The following ATPAF1 variants were observed in gnomAD, a reference collection of about 807,000 sequenced individuals.
The protein encoded by ATPAF1 is homolog of yeast ATP11.
ATPAF1 carries 26 observed loss-of-function variants against 43.9 expected under a neutral mutation model. The ratio of observed to expected loss-of-function variants is 0.59; its 90% CI spans 0.43 to 0.82. The LOEUF (loss-of-function observed/expected upper bound fraction) is 0.82, where lower values mean the gene tolerates loss of function less well. Among genes scored for constraint, ATPAF1 ranks in the 40% least tolerant of loss-of-function variants. The pLI, the probability that ATPAF1 is intolerant of heterozygous loss-of-function variation, is 0.00. For synonymous variants in ATPAF1, 157 were observed against 168.0 expected, an observed-to-expected ratio of 0.93 and a Z score of 0.50; for missense variants, 366 against 435.0, an observed-to-expected ratio of 0.84 and a Z score of 1.41.
chr1:46,668,190 G>A lies in ATPAF1; in HGVS notation c.133C>T (p.Arg45Cys), dbSNP rs1370561040. 1.6e-5 allele frequency: 22 copies of A among 1,394,892 alleles called. No individual in the cohort carries two copies. The highest frequency in any genetic ancestry group is 1.5e-5 in the Non-Finnish European group (16 of 1,074,966). The allele number at this position is 1,394,892 out of a possible 1,614,324, so 86.4% of individuals were successfully genotyped here. A position where few individuals can be genotyped will look rare whatever the true frequency, so the allele number is the denominator to read the frequency against. Residue 45 changes from arginine to cysteine, a missense_variant, in exon 1 of 9, where the codon CGC (arginine) becomes TGC (cysteine). Arg to Cys is a radical substitution (Grantham distance 180). Coordinates refer to ENST00000574428, the Ensembl canonical transcript of ATPAF1. This position sits in a 1 kb window ranked among gnomAD's most constrained non-coding sequence, Gnocchi z 4.4. Reference sequence around the variant, plus strand: ...GAGCCGGGGCGCACTGGGAAGACGCGCAGCTGCGCGGGTGACACGAGCCCC... The same window carrying A: ...GAGCCGGGGCGCACTGGGAAGACGCACAGCTGCGCGGGTGACACGAGCCCC...
In ATPAF1 at chr1:46,653,760, G is replaced by A; in HGVS notation, c.540+57C>T. 1 of 1,547,626 alleles carries A rather than the reference G, an allele frequency of 6.5e-7. No homozygotes were observed. The highest frequency in any genetic ancestry group is 2.3e-5 in the East Asian group (1 of 43,894). Reference sequence around the variant, plus strand: ...AAAGTAAAGGCAACTGCCTGCTAAGGTTAGAGAACTGACTTTCATGTTGTA... The same window carrying A: ...AAAGTAAAGGCAACTGCCTGCTAAGATTAGAGAACTGACTTTCATGTTGTA... On this transcript the variant is annotated intron_variant, in intron 5 of 8. Coordinates refer to ENST00000574428, the Ensembl canonical transcript of ATPAF1. This position sits in a 1 kb window ranked among gnomAD's most constrained non-coding sequence, Gnocchi z 4.8.
intron 7 of ATPAF1, among the ~76,000 whole-genome samples, chr1:46,644,576 C>A (rs1426200133): frequency 6.6e-6 from 1 of 152,014 alleles, no homozygotes; most frequent in Non-Finnish European, 1.5e-5. Flanking sequence ...TTTTTTGCCA[C>A]ATTTGACCTC....
chr1:46,658,956 C>T (rs1054385763), intron 2 of ATPAF1, among the ~76,000 whole-genome samples: 5 of 152,098 alleles, frequency 3.3e-5, no homozygotes, highest in African/African-American at 9.7e-5. Flanking sequence ...CTTTGGGAAG[C>T]CGAGGCGAGA....
chr1:46,661,893 C>CTTTTTTTTTTTTTTTTTT (rs1360105864), intron 2 of ATPAF1, among the ~76,000 whole-genome samples: 1 of 140,446 alleles, frequency 7.1e-6, no homozygotes, highest in Non-Finnish European at 1.6e-5. Context: ...AGCTAAATTT[C>CTTTTTTTTTTTTTTTTTT]TTTCTTTTTT....
At chr1:46,645,176 T>G in exon 7 of ATPAF1, 2 of 1,613,428 alleles carry the variant, frequency 1.2e-6, no homozygotes, top group Non-Finnish European at 1.7e-6. Flanking sequence ...TATTTATAAG[T>G]GCAGTGAAGT....
chr1:46,639,807 A>G (rs12074705), intron 8 of ATPAF1, among the ~76,000 whole-genome samples: 6,694 of 152,268 alleles, frequency 0.044, 459 homozygotes, highest in African/African-American at 0.15. Flanking sequence ...CAAGGCAAAT[A>G]TGTATTGTCT....
intron 6 of ATPAF1, among the ~76,000 whole-genome samples, chr1:46,650,824 A>C (rs955695735): frequency 6.6e-6 from 1 of 151,950 alleles, no homozygotes; most frequent in Admixed American, 6.6e-5. Context: ...AAAAAAAAAA[A>C]ACCTGATCTC....
At chr1:46,655,495 G>GA in intron 4 of ATPAF1, among the ~76,000 whole-genome samples, 1 of 152,028 alleles carries the variant, frequency 6.6e-6, no homozygotes, top group South Asian at 2.1e-4. Flanking sequence ...CAGGGAAAAG[G>GA]AAAAAATGCC....
rs1553218331 is a variant in ATPAF1 at position 46,654,528 on chromosome 1, T to TTTATTTTATTATTA, written c.490-662_490-661insTAATAATAAAATAA. Among the ~76,000 whole-genome samples the TTTATTTTATTATTA allele has an allele frequency of 3.5e-3, 475 of 135,252 alleles. 2 individuals are homozygous for TTTATTTTATTATTA. Among genetic ancestry groups the TTTATTTTATTATTA allele is most frequent in the African/African-American group, 0.013 (432 of 33,318 alleles). 88.7% of individuals were successfully genotyped at this position (135,252 alleles called of 152,430 possible). On this transcript the variant is annotated intron_variant, in intron 4 of 8. Coordinates refer to ENST00000574428, the Ensembl canonical transcript of ATPAF1. The stretch of plus-strand genomic sequence containing the variant: ...TGAGACTGGGCAATTTATTTATTTA[T>TTTATTTTATTATTA]TTATTATTATTATTATTATTATTAT...
intron 8 of ATPAF1, among the ~76,000 whole-genome samples, chr1:46,637,071 T>C (rs566913407): frequency 2.0e-5 from 3 of 152,358 alleles, no homozygotes; most frequent in East Asian, 1.9e-4. Context: ...AATAAATGTT[T>C]GTTGTTTTAA....
Position 46,653,969 on chromosome 1 carries a change from G to T in ATPAF1, c.490-102C>A. 9.3e-7 allele frequency: 1 copy of T among 1,076,140 alleles called. No individual in the cohort carries two copies. The highest frequency in any genetic ancestry group is 1.4e-6 in the Non-Finnish European group (1 of 737,994). The allele number at this position is 1,076,140 out of a possible 1,614,324, so 66.7% of individuals were successfully genotyped here. On this transcript the variant is annotated intron_variant, in intron 4 of 8. Coordinates refer to ENST00000574428, the Ensembl canonical transcript of ATPAF1. This position sits in a 1 kb window ranked among gnomAD's most constrained non-coding sequence, Gnocchi z 4.8. ...CATTGCTCAGAGGAATATGCTATTT[G>T]ATAACAGAGAGGAAAAACCCAGTAT...
At chr1:46,651,270 A>G (rs1192851004) in intron 6 of ATPAF1, among the ~76,000 whole-genome samples, 1 of 151,526 alleles carries the variant, frequency 6.6e-6, no homozygotes, top group Non-Finnish European at 1.5e-5. Context: ...TGTTCTTGCC[A>G]TAGTTTACTG....
upstream of ATPAF1, chr1:46,668,480 G>T: frequency 1.0e-6 from 1 of 974,656 alleles, no homozygotes; most frequent in Non-Finnish European, 1.3e-6. This position sits in a 1 kb window ranked among gnomAD's most constrained non-coding sequence, Gnocchi z 4.4. Flanking sequence ...AGGCGGGGCG[G>T]GGAGGAGGGG....
In ATPAF1 at chr1:46,635,990, A is replaced by G; in HGVS notation, c.793-20T>C. ...AACATTCTGTAAGGTAAAAAGAATA[A>G]TGAGGTCCTTTCTTGCACAGGGCCA... On this transcript the variant is annotated intron_variant, in intron 8 of 8. Coordinates refer to ENST00000574428, the Ensembl canonical transcript of ATPAF1. The G allele has an allele frequency of 4.3e-6, 7 of 1,612,512 alleles. No individual in the cohort carries two copies. The highest frequency in any genetic ancestry group is 5.9e-6 in the Non-Finnish European group (7 of 1,179,218).
intron 8 of ATPAF1, among the ~76,000 whole-genome samples, chr1:46,642,044 C>G (rs929309514): frequency 8.5e-5 from 13 of 152,096 alleles, no homozygotes; most frequent in African/African-American, 3.1e-4. Flanking sequence ...AAAGTGAGCT[C>G]CTGATTTTCC....
intron 8 of ATPAF1, among the ~76,000 whole-genome samples, chr1:46,641,253 A>AT (rs34574919): frequency 0.16 from 24,606 of 151,666 alleles, 2,579 homozygotes; most frequent in South Asian, 0.27. Context: ...TAATTTTTGT[A>AT]TTTTTTGTAG....
rs1011935909 is a variant in ATPAF1 at position 46,653,768 on chromosome 1, A to G, written c.540+49T>C. On this transcript the variant is annotated intron_variant, in intron 5 of 8. Transcript: ENST00000574428. This position sits in a 1 kb window ranked among gnomAD's most constrained non-coding sequence, Gnocchi z 4.8. The stretch of plus-strand genomic sequence containing the variant: ...GGCAACTGCCTGCTAAGGTTAGAGA[A>G]CTGACTTTCATGTTGTAACACTTTC... 1 of 1,571,486 alleles carries G rather than the reference A, an allele frequency of 6.4e-7. No homozygotes were observed. The highest frequency in any genetic ancestry group is 1.4e-5 in the African/African-American group (1 of 73,796).
chr1:46,647,412 GGCCCTTTCACAGA>G (rs1676064047), intron 6 of ATPAF1, among the ~76,000 whole-genome samples: 2 of 152,044 alleles, frequency 1.3e-5, no homozygotes, highest in Non-Finnish European at 2.9e-5. Context: ...TTGCACATAT[GGCCCTTTCACAGA>G]ACACCATGTT....
At chr1:46,667,538 T>C (rs1676511409) in intron 1 of ATPAF1, among the ~76,000 whole-genome samples, 1 of 152,206 alleles carries the variant, frequency 6.6e-6, no homozygotes, top group Non-Finnish European at 1.5e-5. Context: ...TTACTCTCGC[T>C]GATCCTCAGT....
Sources: gnomAD v4.1 joint callset for allele counts (sites outside exome capture counted in the v4.1 genomes callset) on GRCh38, gnomAD v4.1.1 for gene constraint, Gnocchi (gnomAD v3.1) non-coding constraint, MANE v1.5 for transcripts, NCBI Gene and HGNC (gene_info 2026-07-23, HGNC 2026-07-21) for gene names.